Variants in USH2A observed in about 807,000 individuals in gnomAD.
USH2A encodes the protein Usher syndrome 2A (autosomal recessive, mild).
In USH2A, 443 loss-of-function variants were observed where a neutral mutation model predicts 538.9. That is an observed-to-expected ratio of 0.82 (90% CI 0.76 to 0.89). USH2A has a LOEUF of 0.89. Among genes scored for constraint, USH2A ranks in the 40% least tolerant of loss-of-function variants. The pLI is 0.00. For missense variants in USH2A, 6,633 were observed against 6,324.8 expected, an observed-to-expected ratio of 1.05 and a Z score of -1.65; for synonymous variants, 2,413 against 2,273.5, an observed-to-expected ratio of 1.06 and a Z score of -1.75.
In USH2A at chr1:216,318,202, G is replaced by A. The variant is rs564866755; in HGVS notation, c.1644+3681C>T. Among the ~76,000 whole-genome samples the A allele has an allele frequency of 1.6e-4, 24 of 152,186 alleles. No homozygotes were observed. In the East Asian group the frequency reaches 1.9e-3, roughly 12 times the overall value. On this transcript the variant is annotated intron_variant, in intron 9 of 71. Transcript: ENST00000307340. Reference sequence around the variant, plus strand: ...AATGTCTGTAATATAATTCACAAAAGCCCTGTTTATTAAGTAATATTATTA... The same window carrying A: ...AATGTCTGTAATATAATTCACAAAAACCCTGTTTATTAAGTAATATTATTA...
chr1:215,801,395 T>C lies in USH2A; in HGVS notation c.9740-2270A>G, dbSNP rs144025522. ...CATATAGAGAAAACTATAAAGATTC[T>C]AAAAAAAAAAAAAACCTGTTACAAC... On this transcript the variant is annotated intron_variant, in intron 49 of 71. Transcript: ENST00000307340. Among the ~76,000 whole-genome samples the C allele has an allele frequency of 8.4e-4, 113 of 135,078 alleles. No individual in the cohort carries two copies. The East Asian group carries it at 0.023, about 27-fold the overall frequency. The allele number at this position is 135,078 out of a possible 152,430, so 88.6% of individuals were successfully genotyped here. A position where few individuals can be genotyped will look rare whatever the true frequency, so the allele number is the denominator to read the frequency against.
intron 32 of USH2A, among the ~76,000 whole-genome samples, chr1:216,027,626 C>G (rs568748986): frequency 6.6e-6 from 1 of 152,302 alleles, no homozygotes; most frequent in East Asian, 1.9e-4. Context: ...AAATGGCCCC[C>G]TCTTTATCAA....
At chr1:216,236,274 G>A (rs116186172) in intron 13 of USH2A, among the ~76,000 whole-genome samples, 37 of 151,778 alleles carry the variant, frequency 2.4e-4, no homozygotes, top group South Asian at 1.5e-3. Flanking sequence ...TTAAAAGTCA[G>A]TTCAGAAATC....
intron 20 of USH2A, among the ~76,000 whole-genome samples, chr1:216,178,962 T>C (rs1572024236): frequency 1.3e-5 from 2 of 152,276 alleles, no homozygotes; most frequent in African/African-American, 4.8e-5. Flanking sequence ...GAGGATAGGA[T>C]TTCCATTTTA....
rs34981846 is a variant in USH2A at position 216,053,454 on chromosome 1, CTT to C, written c.6050-4809_6050-4808del. Among the ~76,000 whole-genome samples the C allele has an allele frequency of 4.2e-3, 464 of 111,170 alleles. 5 individuals are homozygous for C. Among genetic ancestry groups the C allele is most frequent in the African/African-American group, 0.012 (350 of 30,274 alleles). The allele number at this position is 111,170 out of a possible 152,430, so 72.9% of individuals were successfully genotyped here. ...TGTTTGGGACACATCCCAGAGAAGT[CTT>C]TTTTTTTTTTTTTTTTTTGAGAGTG... On this transcript the variant is annotated intron_variant, in intron 30 of 71. Coordinates refer to ENST00000307340, the MANE Select transcript of USH2A (RefSeq NM_206933.4).
At chr1:215,634,316 A>G in intron 70 of USH2A, 143 bp downstream of exon 70, 1 of 1,339,494 alleles carries the variant, frequency 7.5e-7, no homozygotes, top group South Asian at 1.2e-5. Context: ...TTCTAGGGTT[A>G]GCCTCTCTTG....
intron 28 of USH2A, 53 bp from the exon 29 acceptor site, chr1:216,073,022 T>C (rs2031611085): frequency 1.2e-6 from 2 of 1,612,670 alleles, no homozygotes; most frequent in Non-Finnish European, 8.5e-7. Flanking sequence ...TATAGATTAA[T>C]GAGGGGCTGG....
At chr1:216,306,641 T>C (rs2037321943) in intron 9 of USH2A, among the ~76,000 whole-genome samples, 1 of 152,226 alleles carries the variant, frequency 6.6e-6, no homozygotes, top group South Asian at 2.1e-4. Context: ...TTAGACTATG[T>C]CAGAGGGAAG....
At position 216,282,920 on chromosome 1, in the gene USH2A, T is replaced by C. The variant is rs200728203; in HGVS notation, c.1971+6360A>G. ...TTTTATGGTTTTCAGAATATAATTT[T>C]ACACTTCTTTTACTAAATGTTTTTC... is the stretch of plus-strand genomic sequence containing the variant. On this transcript the variant is annotated intron_variant, in intron 11 of 71. Transcript: ENST00000307340. 6.6e-5 allele frequency among the ~76,000 whole-genome samples: 10 copies of C among 152,362 alleles called. No individual in the cohort carries two copies. The East Asian group carries it at 1.7e-3, about 26-fold the overall frequency.
In USH2A at chr1:216,338,448, T is replaced by C. The variant is rs1001966287; in HGVS notation, c.785-10794A>G. ...AATTAAATCTCTACCTCACACATTATACAAAAATTAATTTCAGAAAAAATA... is the reference window on the plus strand; with the variant it reads ...AATTAAATCTCTACCTCACACATTACACAAAAATTAATTTCAGAAAAAATA... On this transcript the variant is annotated intron_variant, in intron 4 of 71. Transcript: ENST00000307340. 9.8e-4 allele frequency among the ~76,000 whole-genome samples: 149 copies of C among 151,590 alleles called. 1 individual carries two copies. Among genetic ancestry groups the C allele is most frequent in the African/African-American group, 3.4e-3 (143 of 41,502 alleles).
chr1:216,102,132 G>C (rs780826185), intron 21 of USH2A, among the ~76,000 whole-genome samples: 67 of 151,784 alleles, frequency 4.4e-4, no homozygotes, highest in Non-Finnish European at 7.7e-4. Flanking sequence ...AAATGACATA[G>C]TGAAAGCAGA....
chr1:215,742,840 T>C (rs1374081491), intron 59 of USH2A, among the ~76,000 whole-genome samples: 1 of 152,220 alleles, frequency 6.6e-6, no homozygotes, highest in African/African-American at 2.4e-5. Context: ...AAGGTAAATA[T>C]GTTTTCTATG....
intron 37 of USH2A, among the ~76,000 whole-genome samples, chr1:215,942,904 A>G (rs1159367621): frequency 4.6e-5 from 7 of 152,204 alleles, no homozygotes; most frequent in Admixed American, 4.6e-4. Context: ...TGGTGTTCCC[A>G]GGTGTGGGAG....
Position 215,998,963 on chromosome 1 carries a change from T to G in USH2A, c.6581A>C (p.Tyr2194Ser). The change falls in exon 34 of 72, where the codon TAT becomes TCT. Residue 2194 changes from tyrosine to serine, a missense_variant. Tyr to Ser is a moderately radical substitution (Grantham distance 144). Coordinates refer to ENST00000307340, the MANE Select transcript of USH2A (RefSeq NM_206933.4). ...ATCCTGGAAAAGTTCTGTACTGTTA[T>G]AGATGACACTCCAAATTGTAAAATC... ...THDFTIWSVI[Y>S]NSTELFQDHM... is the part of the protein sequence containing the mutation. 6.2e-7 allele frequency: 1 copy of G among 1,613,100 alleles called. No homozygotes were observed. The highest frequency in any genetic ancestry group is 8.5e-7 in the Non-Finnish European group (1 of 1,179,286).
At chr1:215,965,566 T>C (rs941854544) in intron 36 of USH2A, 87 bp from the exon 37 acceptor site, 1 of 1,516,324 alleles carries the variant, frequency 6.6e-7, no homozygotes, top group Non-Finnish European at 9.0e-7. Flanking sequence ...GAATCTCTTT[T>C]TGCTGTGAAG....
intron 30 of USH2A, among the ~76,000 whole-genome samples, chr1:216,056,835 TTTG>T (rs1301765866): frequency 6.6e-6 from 1 of 152,142 alleles, no homozygotes; most frequent in African/African-American, 2.4e-5. Flanking sequence ...ATATTGGACC[TTTG>T]TTTATTATAC....
At chr1:215,932,836 G>T (rs1666397783) in intron 38 of USH2A, among the ~76,000 whole-genome samples, 1 of 151,990 alleles carries the variant, frequency 6.6e-6, no homozygotes, top group South Asian at 2.1e-4. Flanking sequence ...CAGTTTGACT[G>T]CACCACTATA....
chr1:216,389,210 C>CA (rs1373461476), intron 3 of USH2A, among the ~76,000 whole-genome samples: 7 of 151,424 alleles, frequency 4.6e-5, no homozygotes, highest in Non-Finnish European at 8.8e-5. Context: ...GGGAGCAAAA[C>CA]AAAAAAAGAG....
chr1:216,312,172 AT>A (rs201862708), intron 9 of USH2A, among the ~76,000 whole-genome samples: 2,216 of 145,860 alleles, frequency 0.015, 28 homozygotes, highest in African/African-American at 0.04. Context: ...TTCTAGGTGG[AT>A]TTTTTTTTTT....
Sources: gnomAD v4.1 joint callset for allele counts (sites outside exome capture counted in the v4.1 genomes callset) on GRCh38, gnomAD v4.1.1 for gene constraint, MANE v1.5 for transcripts, NCBI Gene and HGNC (gene_info 2026-07-23, HGNC 2026-07-21) for gene names.